Variants in SERAC1 observed in about 807,000 individuals in gnomAD.
SERAC1 encodes the protein serine active site containing 1, also known as protein SERAC1.
A neutral mutation model predicts 85.7 loss-of-function variants in SERAC1; 36 were observed. That is an observed-to-expected ratio of 0.42 (90% CI 0.32 to 0.55). SERAC1 has a LOEUF of 0.55. SERAC1 is among the 20% of genes least tolerant of loss of function. The pLI, the probability that SERAC1 is intolerant of heterozygous loss-of-function variation, is 0.11. For synonymous variants in SERAC1, 242 were observed against 265.3 expected (o/e 0.91, Z 0.85); for missense variants, 629 against 796.2 (o/e 0.79, Z 2.53).
intron 9 of SERAC1, 121 bp downstream of exon 9, chr6:158,130,252 A>G: frequency 2.1e-6 from 1 of 482,814 alleles, no homozygotes; most frequent in South Asian, 6.0e-5. Flanking sequence ...AGAAATTTAA[A>G]AATAAGTGAA....
In SERAC1 at chr6:158,129,031, C is replaced by A. The variant is rs145401753; in HGVS notation, c.853-761G>T. The stretch of plus-strand genomic sequence containing the variant: ...ATTTTCACTTTCTAGATTTTTGTTA[C>A]ATTATATCACATTTTAAGTGCCTTA... On this transcript the variant is annotated intron_variant, in intron 9 of 16. Coordinates refer to ENST00000647468, the MANE Select transcript of SERAC1 (RefSeq NM_032861.4). 3.9e-3 allele frequency among the ~76,000 whole-genome samples: 592 copies of A among 152,264 alleles called. 6 individuals are homozygous for A. Among genetic ancestry groups the A allele is most frequent in the African/African-American group, 0.014 (567 of 41,542 alleles).
chr6:158,166,330 T>G (rs1189629921), intron 1 of SERAC1, among the ~76,000 whole-genome samples: 1 of 152,228 alleles, frequency 6.6e-6, no homozygotes, highest in Non-Finnish European at 1.5e-5. Context: ...GGTATGTTTC[T>G]AGTGTCTCTA....
chr6:158,136,912 C>A (rs1186550341), intron 8 of SERAC1, among the ~76,000 whole-genome samples: 1 of 152,202 alleles, frequency 6.6e-6, no homozygotes, highest in Non-Finnish European at 1.5e-5. Flanking sequence ...GTAATCCCAG[C>A]ACTTTGGGAG....
chr6:158,140,393 G>A (rs1340130536), intron 8 of SERAC1, among the ~76,000 whole-genome samples: 1 of 152,158 alleles, frequency 6.6e-6, no homozygotes, highest in African/African-American at 2.4e-5. Flanking sequence ...TGAAGGACAG[G>A]GTTCAGAAAG....
chr6:158,148,375 G>C (rs1785121641), intron 5 of SERAC1, among the ~76,000 whole-genome samples: 1 of 152,056 alleles, frequency 6.6e-6, no homozygotes, highest in Non-Finnish European at 1.5e-5. Context: ...AATTACCTAA[G>C]GAAGGAAGAA....
At chr6:158,155,244 T>C in intron 3 of SERAC1, 71 bp downstream of exon 3, 1 of 1,059,672 alleles carries the variant, frequency 9.4e-7, no homozygotes, top group Non-Finnish European at 1.4e-6. Context: ...ATGCAACCTG[T>C]CAATCACTGC....
At chr6:158,157,877 G>C (rs891852763) in intron 2 of SERAC1, among the ~76,000 whole-genome samples, 1 of 152,184 alleles carries the variant, frequency 6.6e-6, no homozygotes. Context: ...CGAAGGCAAG[G>C]CTCCAAATGG....
intron 1 of SERAC1, among the ~76,000 whole-genome samples, chr6:158,163,850 C>A (rs1412165462): frequency 1.3e-5 from 2 of 152,146 alleles, no homozygotes; most frequent in East Asian, 3.9e-4. Flanking sequence ...AATTCTCCTG[C>A]CTCAGCCTCC....
chr6:158,150,674 G>A lies in SERAC1; in HGVS notation c.129-85C>T, dbSNP rs6933878. The A allele has an allele frequency of 7.4e-5, 73 of 986,858 alleles. No individual in the cohort carries two copies. In the East Asian group the frequency reaches 9.1e-4, roughly 12 times the overall value. The allele number at this position is 986,858 out of a possible 1,614,324, so 61.1% of individuals were successfully genotyped here. ...ACTCTTCTCTATTAAGCTTGTCATA[G>A]TAAACTTCTTTTTTGTTGGGAAACA... On this transcript the variant is annotated intron_variant, in intron 3 of 16. Coordinates refer to ENST00000647468, the MANE Select transcript of SERAC1 (RefSeq NM_032861.4).
At chr6:158,145,482 G>A (rs1382715215) in intron 6 of SERAC1, 1 of 151,190 alleles carries the variant, frequency 6.6e-6, no homozygotes, top group African/African-American at 2.4e-5. Flanking sequence ...TTAATTTGCA[G>A]AGATCTCATT....
At chr6:158,151,199 G>A (rs1277641377) in intron 3 of SERAC1, 2 of 152,108 alleles carry the variant, frequency 1.3e-5, no homozygotes, top group Non-Finnish European at 2.9e-5. Flanking sequence ...ACCCTGTGTA[G>A]GCCTAGGCTA....
intron 8 of SERAC1, among the ~76,000 whole-genome samples, chr6:158,133,472 G>A (rs1418546662): frequency 2.2e-5 from 3 of 136,082 alleles, no homozygotes; most frequent in South Asian, 2.4e-4. Flanking sequence ...TGCAAGCTCC[G>A]CCTCCCGGGT....
At chr6:158,141,078 C>A (rs191095266) in intron 8 of SERAC1, among the ~76,000 whole-genome samples, 44 of 152,226 alleles carry the variant, frequency 2.9e-4, no homozygotes, top group African/African-American at 1.0e-3. Flanking sequence ...AAATAAAATG[C>A]GGCATAGCCA....
chr6:158,116,311 C>T (rs772542676), intron 13 of SERAC1, 29 bp from the exon 14 acceptor site: 3 of 1,572,858 alleles, frequency 1.9e-6, no homozygotes, highest in Non-Finnish European at 2.6e-6. Context: ...GCAGGCATGA[C>T]ACAAGGCTAT....
In SERAC1 at chr6:158,155,752, C is replaced by A. The variant is rs115117290; in HGVS notation, c.92-401G>T. On this transcript the variant is annotated intron_variant, in intron 2 of 16. Coordinates refer to ENST00000647468, the MANE Select transcript of SERAC1 (RefSeq NM_032861.4). ...TGTCCCTATCACTACTAGGACTATACTGAAGGATTATATTGTCAAGTGGGG... is the reference window on the plus strand; with the variant it reads ...TGTCCCTATCACTACTAGGACTATAATGAAGGATTATATTGTCAAGTGGGG... 1.4e-3 allele frequency among the ~76,000 whole-genome samples: 207 copies of A among 152,256 alleles called. 1 individual carries two copies. Among genetic ancestry groups the A allele is most frequent in the African/African-American group, 4.7e-3 (196 of 41,544 alleles).
intron 16 of SERAC1, chr6:158,112,228 A>C (rs1182714751): frequency 1.3e-5 from 2 of 152,886 alleles, no homozygotes; most frequent in South Asian, 4.1e-4. Flanking sequence ...CCTGGGCAAC[A>C]CAGCAAGACC....
At chr6:158,137,925 G>A (rs1266211952) in intron 8 of SERAC1, among the ~76,000 whole-genome samples, 1 of 152,132 alleles carries the variant, frequency 6.6e-6, no homozygotes, top group Non-Finnish European at 1.5e-5. Flanking sequence ...ACTTTGGTTA[G>A]GGGAAGATCT....
intron 8 of SERAC1, 135 bp from the exon 9 acceptor site, chr6:158,130,621 A>G: frequency 1.7e-6 from 1 of 575,412 alleles, no homozygotes; most frequent in Non-Finnish European, 3.0e-6. Flanking sequence ...TATGTTGGAA[A>G]TGTAAAAGGA....
At chr6:158,128,457 A>G (rs1489725467) in intron 9 of SERAC1, among the ~76,000 whole-genome samples, 187 bp from the exon 10 acceptor site, 1 of 152,216 alleles carries the variant, frequency 6.6e-6, no homozygotes, top group Non-Finnish European at 1.5e-5. Context: ...AAGTGCTTCA[A>G]AATCATAGAA....
Sources: gnomAD v4.1 joint callset for allele counts (sites outside exome capture counted in the v4.1 genomes callset) on GRCh38, gnomAD v4.1.1 for gene constraint, MANE v1.5 for transcripts, NCBI Gene and HGNC (gene_info 2026-07-23, HGNC 2026-07-21) for gene names.